C12orf42: variants seen among roughly 807,000 people sequenced by gnomAD.
C12orf42 encodes the protein uncharacterized protein C12orf42.
In C12orf42, 25 loss-of-function variants were observed where a neutral mutation model predicts 21.6. The ratio of observed to expected loss-of-function variants is 1.16; its 90% CI spans 0.84 to 1.62. The LOEUF is 1.62. Ranked by LOEUF, C12orf42 falls within the 40% of genes most tolerant of loss-of-function variation. The pLI is 0.00. For missense variants in C12orf42, 483 were observed against 459.3 expected, an observed-to-expected ratio of 1.05 and a Z score of -0.47; for synonymous variants, 174 against 175.0, an observed-to-expected ratio of 0.99 and a Z score of 0.05.
chr12:103,218,279 CAA>C, the C12orf42 span, among the ~76,000 whole-genome samples: 32 of 92,980 alleles, frequency 3.4e-4, no homozygotes, highest in Admixed American at 4.7e-4. Flanking sequence ...AACTCCGCTT[CAA>C]AAAAAAAAAA....
chr12:103,424,531 A>T (rs118061898), intron 2 of C12orf42, among the ~76,000 whole-genome samples: 1 of 152,310 alleles, frequency 6.6e-6, no homozygotes, highest in African/African-American at 2.4e-5. Context: ...GGGCGAGTGG[A>T]AGCAGGGCAG....
At chr12:103,376,723 G>T (rs553923242) in intron 3 of C12orf42, among the ~76,000 whole-genome samples, 1 of 152,090 alleles carries the variant, frequency 6.6e-6, no homozygotes, top group South Asian at 2.1e-4. Context: ...TGATCTCTTT[G>T]TCACTATTGA....
intron 4 of C12orf42, among the ~76,000 whole-genome samples, chr12:103,362,112 C>T (rs1432823507): frequency 1.3e-5 from 2 of 152,158 alleles, no homozygotes; most frequent in Non-Finnish European, 2.9e-5. Flanking sequence ...ATTTTACCCC[C>T]CTGCCACCTC....
the C12orf42 span, among the ~76,000 whole-genome samples, chr12:103,561,843 T>G: frequency 6.6e-6 from 1 of 152,200 alleles, no homozygotes; most frequent in African/African-American, 2.4e-5. Flanking sequence ...GATCTGGGAC[T>G]TTTCAAATGT....
intron 2 of C12orf42, among the ~76,000 whole-genome samples, chr12:103,423,587 C>T (rs1215340439): frequency 6.6e-6 from 1 of 152,158 alleles, no homozygotes. Context: ...AGATTTTGTG[C>T]TCTACTGTTT....
At chr12:103,214,370 T>C in the C12orf42 span, among the ~76,000 whole-genome samples, 1 of 152,194 alleles carries the variant, frequency 6.6e-6, no homozygotes, top group African/African-American at 2.4e-5. Flanking sequence ...ATGATGTCTA[T>C]CTTTGTGAGG....
At chr12:103,460,669 T>C (rs922668204) in intron 2 of C12orf42, among the ~76,000 whole-genome samples, 6 of 152,110 alleles carry the variant, frequency 3.9e-5, no homozygotes, top group African/African-American at 1.4e-4. Flanking sequence ...TTAGTAAATG[T>C]TTTTGGATGG....
intron 4 of C12orf42, among the ~76,000 whole-genome samples, chr12:103,361,231 A>C (rs1335393243): frequency 1.3e-5 from 2 of 152,116 alleles, no homozygotes; most frequent in African/African-American, 4.8e-5. Context: ...GGAAAGGGGT[A>C]TTATCTGCCC....
At position 103,468,547 on chromosome 12, in the gene C12orf42, AT is replaced by A. The variant is rs1227912551; in HGVS notation, c.78+9801del. On this transcript the variant is annotated intron_variant, in intron 2 of 5. Coordinates refer to ENST00000548883, the MANE Select transcript of C12orf42 (RefSeq NM_198521.5). Reference sequence around the variant, plus strand: ...TCAGACTTTTAAAGTTAAAATTCTCATTGTTTTTAATTCAGATATCTTTTAC... The same window carrying A: ...TCAGACTTTTAAAGTTAAAATTCTCATGTTTTTAATTCAGATATCTTTTAC... Among the ~76,000 whole-genome samples the A allele has an allele frequency of 5.9e-5, 9 of 152,200 alleles. No homozygotes were observed. In the South Asian group the frequency reaches 6.2e-4, roughly 11 times the overall value.
chr12:103,273,046 A>G (rs1421911492), intron 5 of C12orf42, among the ~76,000 whole-genome samples: 1 of 152,208 alleles, frequency 6.6e-6, no homozygotes, highest in African/African-American at 2.4e-5. Context: ...GACATGAAGT[A>G]GAAGAACATT....
chr12:103,382,907 A>G (rs2046305532), intron 3 of C12orf42, among the ~76,000 whole-genome samples: 1 of 152,062 alleles, frequency 6.6e-6, no homozygotes, highest in African/African-American at 2.4e-5. Context: ...CTTCTTCTCT[A>G]TACCCATCAC....
At chr12:103,301,349 T>G (rs1472974852), downstream of C12orf42, among the ~76,000 whole-genome samples, 1 of 152,142 alleles carries the variant, frequency 6.6e-6, no homozygotes, top group African/African-American at 2.4e-5. Context: ...AAAACCCTAC[T>G]ATATTAAAAA....
intron 2 of C12orf42, among the ~76,000 whole-genome samples, chr12:103,455,522 C>T (rs1177333814): frequency 1.3e-5 from 2 of 152,080 alleles, no homozygotes; most frequent in Non-Finnish European, 2.9e-5. Context: ...TCTTATGCAT[C>T]CTGGTTTGAC....
intron 3 of C12orf42, among the ~76,000 whole-genome samples, chr12:103,395,992 T>C (rs2047497499): frequency 6.7e-6 from 1 of 148,606 alleles, no homozygotes. Context: ...TATACCATAG[T>C]TATAACATAA....
At chr12:103,528,374 T>C in the C12orf42 span, among the ~76,000 whole-genome samples, 1 of 152,222 alleles carries the variant, frequency 6.6e-6, no homozygotes, top group African/African-American at 2.4e-5. Flanking sequence ...AAAATTCCTT[T>C]GCCTGATGCT....
At chr12:103,494,849 A>T (rs1439859474) in intron 1 of C12orf42, among the ~76,000 whole-genome samples, 2 of 152,072 alleles carry the variant, frequency 1.3e-5, no homozygotes, top group East Asian at 3.9e-4. Context: ...AATGAATGGG[A>T]GGAGGAGGTT....
At chr12:103,529,986 T>C in the C12orf42 span, among the ~76,000 whole-genome samples, 1 of 152,216 alleles carries the variant, frequency 6.6e-6, no homozygotes, top group South Asian at 2.1e-4. Context: ...TTAATCGCCC[T>C]GTCTTCATTT....
the C12orf42 span, among the ~76,000 whole-genome samples, chr12:103,071,710 C>T: frequency 6.6e-6 from 1 of 152,108 alleles, no homozygotes; most frequent in Non-Finnish European, 1.5e-5. Context: ...CCTTATTCAC[C>T]TTCCGCCATT....
intron 2 of C12orf42, among the ~76,000 whole-genome samples, chr12:103,453,162 C>T (rs1952061882): frequency 6.6e-6 from 1 of 151,462 alleles, no homozygotes; most frequent in Non-Finnish European, 1.5e-5. Flanking sequence ...TGTTAACTCC[C>T]TGTTAATGGA....
Sources: allele counts gnomAD v4.1 joint callset (sites outside exome capture counted in the v4.1 genomes callset), GRCh38; gene constraint gnomAD v4.1.1; transcripts MANE v1.5; gene names NCBI Gene and HGNC (gene_info 2026-07-23, HGNC 2026-07-21).